LNX1: variants seen among roughly 807,000 people sequenced by gnomAD.
LNX1 encodes the protein ligand of numb-protein X 1, also known as E3 ubiquitin-protein ligase LNX.
LNX1 carries 54 observed loss-of-function variants against 68.4 expected under a neutral mutation model. The observed-to-expected ratio is 0.79, with a 90% confidence interval of 0.63 to 0.99. The LOEUF is 0.99. Among genes scored for constraint, LNX1 ranks in the 50% least tolerant of loss-of-function variants. The pLI, the probability that LNX1 is intolerant of heterozygous loss-of-function variation, is 0.00. For synonymous variants in LNX1, 336 were observed against 350.0 expected (o/e 0.96, Z 0.45); for missense variants, 906 against 926.4 (o/e 0.98, Z 0.29).
intron 9 of LNX1, among the ~76,000 whole-genome samples, chr4:53,472,269 T>C (rs1723248836): frequency 6.6e-6 from 1 of 151,770 alleles, no homozygotes; most frequent in Non-Finnish European, 1.5e-5. Context: ...TTCTCACTCA[T>C]AGGTGGGAAT....
At chr4:53,611,845 C>T (rs905875934) in intron 2 of LNX1, among the ~76,000 whole-genome samples, 2 of 151,938 alleles carry the variant, frequency 1.3e-5, no homozygotes, top group Non-Finnish European at 2.9e-5. Flanking sequence ...TAGGACAAAC[C>T]CTCCCAATAA....
chr4:53,603,807 T>C (rs1302626043), intron 2 of LNX1: 1 of 152,230 alleles, frequency 6.6e-6, no homozygotes, highest in African/African-American at 2.4e-5. Flanking sequence ...GAGATTACAT[T>C]TCAACATGAG....
In LNX1 at chr4:53,522,247, C is replaced by T. The variant is rs1175086862; in HGVS notation, c.381-14020G>A. Among the ~76,000 whole-genome samples, 4 of 152,180 alleles carry T rather than the reference C, an allele frequency of 2.6e-5. No individual in the cohort carries two copies. The South Asian group carries it at 6.2e-4, about 24-fold the overall frequency. On this transcript the variant is annotated intron_variant, in intron 2 of 10. Transcript: ENST00000263925. ...GGCTTCCCACCTGGAGTGGCCACCA[C>T]TCAAACAAATCCTACTCTTTTTTCC...
At chr4:53,498,884 AT>A in intron 4 of LNX1, 41 bp from the exon 5 acceptor site, 1 of 1,463,388 alleles carries the variant, frequency 6.8e-7, no homozygotes, top group Non-Finnish European at 9.6e-7. Flanking sequence ...CACCCACCCA[AT>A]GGACCTTTCC....
chr4:53,585,231 G>A (rs995221013), intron 1 of LNX1, among the ~76,000 whole-genome samples: 1 of 152,166 alleles, frequency 6.6e-6, no homozygotes, highest in African/African-American at 2.4e-5. Flanking sequence ...ACTGTTGACT[G>A]GAAGAACTCA....
At chr4:53,547,549 G>A (rs943086353) in intron 2 of LNX1, among the ~76,000 whole-genome samples, 1 of 152,134 alleles carries the variant, frequency 6.6e-6, no homozygotes, top group Non-Finnish European at 1.5e-5. Context: ...TACAGTCCTT[G>A]GGATGACAAG....
intron 6 of LNX1, among the ~76,000 whole-genome samples, chr4:53,490,479 G>A (rs1207799123): frequency 2.6e-5 from 4 of 152,130 alleles, no homozygotes; most frequent in Non-Finnish European, 5.9e-5. Flanking sequence ...TCTCCATAAG[G>A]ACTTTCTTCT....
rs551932601 is a variant in LNX1 at position 53,567,941 on chromosome 4, A to T, written c.380+5682T>A. ...GACACATACACTCTCCCAAGACTAA[A>T]CCAGGAAGAAGTTGAATCTCTGAAT... On this transcript the variant is annotated intron_variant, in intron 2 of 10. Transcript: ENST00000263925. 5.9e-3 allele frequency among the ~76,000 whole-genome samples: 897 copies of T among 152,150 alleles called. 3 individuals are homozygous for T. Among genetic ancestry groups the T allele is most frequent in the African/African-American group, 0.015 (602 of 41,430 alleles).
upstream of LNX1, among the ~76,000 whole-genome samples, chr4:53,594,487 C>T (rs1297811424): frequency 6.6e-6 from 1 of 152,082 alleles, no homozygotes; most frequent in Non-Finnish European, 1.5e-5. Context: ...TAAACCACTA[C>T]CAGGAAGAAT....
At chr4:53,479,184 C>T (rs905849315) in intron 7 of LNX1, among the ~76,000 whole-genome samples, 1 of 152,222 alleles carries the variant, frequency 6.6e-6, no homozygotes, top group Non-Finnish European at 1.5e-5. Flanking sequence ...AGCCACTGCT[C>T]CTGGCCATGG....
intron 1 of LNX1, among the ~76,000 whole-genome samples, chr4:53,626,368 T>C (rs1734075456): frequency 6.6e-6 from 1 of 152,178 alleles, no homozygotes; most frequent in Non-Finnish European, 1.5e-5. Flanking sequence ...AACAATGAAT[T>C]GTACACTTTA....
intron 5 of LNX1, 146 bp from the exon 6 acceptor site, chr4:53,496,540 C>A: frequency 1.0e-6 from 1 of 1,004,994 alleles, no homozygotes; most frequent in Non-Finnish European, 1.4e-6. Flanking sequence ...CCGCACCTTC[C>A]AACAGCGTTT....
At chr4:53,624,475 C>T (rs1350374893) in intron 1 of LNX1, among the ~76,000 whole-genome samples, 1 of 152,190 alleles carries the variant, frequency 6.6e-6, no homozygotes, top group Non-Finnish European at 1.5e-5. Flanking sequence ...TGTGAGTCCT[C>T]CCCAGCCACA....
At chr4:53,557,357 G>A (rs529608812) in intron 2 of LNX1, among the ~76,000 whole-genome samples, 27 of 152,172 alleles carry the variant, frequency 1.8e-4, no homozygotes, top group Admixed American at 2.6e-4. Flanking sequence ...ATGTTTCTTC[G>A]TATCCCATAG....
chr4:53,463,219 G>T (rs1722325202), intron 9 of LNX1, among the ~76,000 whole-genome samples: 1 of 151,976 alleles, frequency 6.6e-6, no homozygotes, highest in Non-Finnish European at 1.5e-5. Flanking sequence ...AAGTCATAGT[G>T]TGCCTATTTT....
chr4:53,543,547 A>T (rs899477347), intron 2 of LNX1, among the ~76,000 whole-genome samples: 2 of 152,190 alleles, frequency 1.3e-5, no homozygotes, highest in African/African-American at 4.8e-5. Flanking sequence ...ATCACACTAT[A>T]CAAAGAAAAC....
At chr4:53,575,759 G>A in intron 1 of LNX1, 1 of 1,557,268 alleles carries the variant, frequency 6.4e-7, no homozygotes, top group Non-Finnish European at 8.7e-7. Context: ...CATCCTGGTG[G>A]TAGTCACAGT....
chr4:53,551,192 AC>A (rs1577700397), intron 2 of LNX1, among the ~76,000 whole-genome samples: 1 of 152,112 alleles, frequency 6.6e-6, no homozygotes, highest in East Asian at 1.9e-4. Context: ...CATAACTCTT[AC>A]CGCTTTTGGC....
At chr4:53,638,976 C>T (rs1734578163) in intron 1 of LNX1, among the ~76,000 whole-genome samples, 1 of 152,168 alleles carries the variant, frequency 6.6e-6, no homozygotes, top group Non-Finnish European at 1.5e-5. Flanking sequence ...CCAGCAATTC[C>T]ATTACAGATA....
Sources: allele counts gnomAD v4.1 joint callset (sites outside exome capture counted in the v4.1 genomes callset), GRCh38; gene constraint gnomAD v4.1.1; transcripts MANE v1.5; gene names NCBI Gene and HGNC (gene_info 2026-07-23, HGNC 2026-07-21).